The following NUBPL variants were observed in gnomAD, a reference collection of about 807,000 sequenced individuals.
The protein encoded by NUBPL is iron-sulfur cluster transfer protein NUBPL.
NUBPL carries 31 observed loss-of-function variants against 45.7 expected under a neutral mutation model. The observed-to-expected ratio is 0.68, with a 90% CI of 0.51 to 0.92. NUBPL has a LOEUF of 0.92. Among genes scored for constraint, NUBPL ranks in the 40% least tolerant of loss-of-function variants. The pLI is 0.00. For synonymous variants in NUBPL, 144 were observed against 140.9 expected (o/e 1.02, Z -0.15); for missense variants, 401 against 398.7 (o/e 1.01, Z -0.05).
chr14:31,859,000 C>G (rs2040668960), intron 10 of NUBPL, 118 bp from the exon 11 acceptor site: 2 of 804,668 alleles, frequency 2.5e-6, no homozygotes, highest in Admixed American at 2.0e-5. Flanking sequence ...ACTGAATTTC[C>G]TCATCTCACT....
chr14:31,773,542 T>C (rs1039143861), intron 6 of NUBPL, among the ~76,000 whole-genome samples: 1 of 152,172 alleles, frequency 6.6e-6, no homozygotes, highest in Admixed American at 6.5e-5. Flanking sequence ...GGAAGACCCA[T>C]TCAAACCCTG....
chr14:31,623,176 G>A (rs910876960), intron 4 of NUBPL, among the ~76,000 whole-genome samples: 1 of 152,214 alleles, frequency 6.6e-6, no homozygotes. Flanking sequence ...CTTGCATGGG[G>A]CCTGTAGCCC....
chr14:31,858,104 G>C (rs982647525), intron 10 of NUBPL, among the ~76,000 whole-genome samples: 5 of 152,188 alleles, frequency 3.3e-5, no homozygotes, highest in African/African-American at 1.2e-4. Flanking sequence ...AAGGTGAAAG[G>C]CAAGGAGGAA....
intron 4 of NUBPL, among the ~76,000 whole-genome samples, chr14:31,641,700 G>A (rs181633722): frequency 5.9e-5 from 9 of 152,166 alleles, no homozygotes; most frequent in African/African-American, 2.2e-4. Flanking sequence ...ATACCCAGCA[G>A]TCAAATTGCT....
At chr14:31,771,922 T>A in intron 6 of NUBPL, 1 of 976,644 alleles carries the variant, frequency 1.0e-6, no homozygotes. Context: ...CTTCAGATCA[T>A]CCCTAGCATG....
chr14:31,711,315 A>G (rs1243619504), intron 6 of NUBPL, among the ~76,000 whole-genome samples: 1 of 152,148 alleles, frequency 6.6e-6, no homozygotes, highest in African/African-American at 2.4e-5. Context: ...CTTCCCAGAA[A>G]GCCTGACACC....
intron 4 of NUBPL, among the ~76,000 whole-genome samples, chr14:31,613,679 A>C (rs2139607366): frequency 6.6e-6 from 1 of 152,072 alleles, no homozygotes; most frequent in East Asian, 1.9e-4. Flanking sequence ...GCTGGTCTTG[A>C]ACTCCTGACC....
At chr14:31,777,016 T>C (rs182789150) in intron 6 of NUBPL, among the ~76,000 whole-genome samples, 1 of 152,320 alleles carries the variant, frequency 6.6e-6, no homozygotes, top group Non-Finnish European at 1.5e-5. Context: ...TCAGTTCTCT[T>C]TGTGCAAATG....
chr14:31,693,591 C>A (rs2037139058), intron 6 of NUBPL, among the ~76,000 whole-genome samples: 1 of 152,014 alleles, frequency 6.6e-6, no homozygotes, highest in African/African-American at 2.4e-5. Context: ...ATAGACTATG[C>A]ATTAACTATA....
At chr14:31,671,370 T>C (rs937269338) in intron 4 of NUBPL, among the ~76,000 whole-genome samples, 1 of 152,192 alleles carries the variant, frequency 6.6e-6, no homozygotes, top group Non-Finnish European at 1.5e-5. Flanking sequence ...CATACTGATA[T>C]CACATTAAGC....
chr14:31,813,969 A>G (rs2039866326), intron 7 of NUBPL, among the ~76,000 whole-genome samples: 1 of 152,146 alleles, frequency 6.6e-6, no homozygotes, highest in Non-Finnish European at 1.5e-5. Flanking sequence ...AGCCTTTGCT[A>G]TTGTGAACAG....
At chr14:31,774,268 C>T (rs1437948200) in intron 6 of NUBPL, among the ~76,000 whole-genome samples, 1 of 152,176 alleles carries the variant, frequency 6.6e-6, no homozygotes, top group Non-Finnish European at 1.5e-5. Flanking sequence ...TAAGTTGACC[C>T]TATGGTCCTT....
chr14:31,755,328 G>A (rs2038634817), intron 6 of NUBPL, among the ~76,000 whole-genome samples: 1 of 152,140 alleles, frequency 6.6e-6, no homozygotes, highest in Non-Finnish European at 1.5e-5. Flanking sequence ...GTGTAAAAGT[G>A]TTCCTATTTC....
At chr14:31,654,200 C>T in intron 4 of NUBPL, 1 of 374,768 alleles carries the variant, frequency 2.7e-6, no homozygotes, top group South Asian at 2.0e-5. Flanking sequence ...ATACTGTAGT[C>T]CATGAAGTGT....
At chr14:31,730,672 T>A (rs1255775106) in intron 6 of NUBPL, among the ~76,000 whole-genome samples, 1 of 152,084 alleles carries the variant, frequency 6.6e-6, no homozygotes, top group African/African-American at 2.4e-5. Flanking sequence ...TTCACCGTGT[T>A]AGCCAGGATG....
intron 6 of NUBPL, among the ~76,000 whole-genome samples, chr14:31,705,807 A>G (rs2139907969): frequency 6.6e-6 from 1 of 152,108 alleles, no homozygotes; most frequent in Admixed American, 6.5e-5. Flanking sequence ...GGGACTTTGC[A>G]CCACCTAGCC....
chr14:31,819,985 A>C (rs1440872949), intron 7 of NUBPL, among the ~76,000 whole-genome samples: 1 of 151,802 alleles, frequency 6.6e-6, no homozygotes, highest in East Asian at 1.9e-4. Context: ...CTAAAAATAC[A>C]AAAAATTACC....
chr14:31,675,136 C>CAAA (rs373044954), intron 6 of NUBPL, among the ~76,000 whole-genome samples: 1 of 111,904 alleles, frequency 8.9e-6, no homozygotes, highest in African/African-American at 2.8e-5. Flanking sequence ...GACTCCGTCT[C>CAAA]AAAAAAAAAA....
rs1174654374 is a variant in NUBPL, at chr14:31,593,062, A to G, written c.292-6227A>G. On this transcript the variant is annotated intron_variant, in intron 3 of 10. Coordinates refer to ENST00000281081, the MANE Select transcript of NUBPL (RefSeq NM_025152.3). ...TTTTAAAAACCCAATAAAAAGAACA[A>G]TACAACAATAAAAAGTAATACAAAT... Among the ~76,000 whole-genome samples the G allele has an allele frequency of 2.0e-5, 3 of 152,200 alleles. No homozygotes were observed. The East Asian group carries it at 5.8e-4, about 29-fold the overall frequency.
Sources: allele counts gnomAD v4.1 joint callset (sites outside exome capture counted in the v4.1 genomes callset), GRCh38; gene constraint gnomAD v4.1.1; transcripts MANE v1.5; gene names NCBI Gene and HGNC (gene_info 2026-07-23, HGNC 2026-07-21).